GLIS3: variants seen among roughly 807,000 people sequenced by gnomAD.
GLIS3 encodes the protein zinc finger protein GLIS3.
In GLIS3, 53 loss-of-function variants were observed where a neutral mutation model predicts 78.6. The ratio of observed to expected loss-of-function variants is 0.67; its 90% CI spans 0.54 to 0.85. The LOEUF (loss-of-function observed/expected upper bound fraction) is 0.85. GLIS3 is among the 40% of genes least tolerant of loss of function. The probability of loss-of-function intolerance (pLI) is 0.00; values close to 1 mark genes in which losing one functional copy is unlikely to be tolerated. For synonymous variants in GLIS3, 684 were observed against 509.9 expected, an observed-to-expected ratio of 1.34 and a Z score of -4.60; for missense variants, 1,703 against 1,231.1, an observed-to-expected ratio of 1.38 and a Z score of -5.74.
chr9:3,841,649 T>G (rs1818721149), intron 9 of GLIS3, among the ~76,000 whole-genome samples: 1 of 152,220 alleles, frequency 6.6e-6, no homozygotes, highest in South Asian at 2.1e-4. Context: ...TTGGATATTC[T>G]GTATCTGATG....
intron 2 of GLIS3, among the ~76,000 whole-genome samples, chr9:4,219,462 T>C (rs1261224378): frequency 1.3e-5 from 2 of 152,230 alleles, no homozygotes; most frequent in Admixed American, 6.5e-5. Context: ...AATGTCACTG[T>C]TTCCTATGCA....
intron 4 of GLIS3, among the ~76,000 whole-genome samples, chr9:4,057,750 A>C (rs1029195536): frequency 3.2e-4 from 49 of 152,188 alleles, no homozygotes; most frequent in African/African-American, 1.1e-3. Context: ...TGGTACCAAA[A>C]GGAACCTTTG....
chr9:4,250,347 G>C (rs1369963787), intron 2 of GLIS3, among the ~76,000 whole-genome samples: 1 of 152,066 alleles, frequency 6.6e-6, no homozygotes, highest in African/African-American at 2.4e-5. Context: ...GTCTTGAGAG[G>C]GTGTATGTGT....
rs182502091 is a variant in GLIS3, at chr9:4,189,947, C to T, written c.389-64006G>A. Among the ~76,000 whole-genome samples, 512 of 152,200 alleles carry T rather than the reference C, an allele frequency of 3.4e-3. 10 individuals carry two copies. The highest frequency in any genetic ancestry group is 0.031 in the East Asian group (160 of 5,184). ...GCGTCTGGAGTGGACCTCTAGCAAA[C>T]TCCAAGAGACCTGCAGCTGAGGGTC... On this transcript the variant is annotated intron_variant, in intron 2 of 10. Coordinates refer to ENST00000381971, the MANE Select transcript of GLIS3 (RefSeq NM_001042413.2).
At chr9:3,950,400 C>T (rs1431556731) in intron 4 of GLIS3, among the ~76,000 whole-genome samples, 3 of 152,254 alleles carry the variant, frequency 2.0e-5, no homozygotes, top group East Asian at 3.8e-4. Context: ...AAAGCCTCGC[C>T]ATGGCTCATA....
chr9:3,971,098 C>T (rs5020204), intron 4 of GLIS3, among the ~76,000 whole-genome samples: 9 of 44,854 alleles, frequency 2.0e-4, no homozygotes, highest in Admixed American at 4.3e-4. Flanking sequence ...AAGGATAGAT[C>T]GAAGGAAGGA....
chr9:4,097,664 A>G (rs767896124), intron 4 of GLIS3, among the ~76,000 whole-genome samples: 3 of 152,216 alleles, frequency 2.0e-5, no homozygotes, highest in Non-Finnish European at 4.4e-5. Flanking sequence ...AAAAACAACC[A>G]TCGGTATGTG....
intron 4 of GLIS3, chr9:4,081,384 C>T (rs752196629): frequency 6.6e-6 from 1 of 152,232 alleles, no homozygotes; most frequent in Non-Finnish European, 1.5e-5. Context: ...ATTTCCCAGC[C>T]TCCCTTGCAC....
intron 2 of GLIS3, among the ~76,000 whole-genome samples, chr9:4,161,131 T>C (rs976246261): frequency 6.6e-6 from 1 of 150,890 alleles, no homozygotes; most frequent in Non-Finnish European, 1.5e-5. Context: ...AAAATTTTGT[T>C]AATTATTCAG....
intron 4 of GLIS3, among the ~76,000 whole-genome samples, chr9:4,074,812 A>G (rs1827910308): frequency 6.6e-6 from 1 of 152,180 alleles, no homozygotes; most frequent in African/African-American, 2.4e-5. Flanking sequence ...TGGTAACGAG[A>G]TCTTGCCTCC....
intron 4 of GLIS3, chr9:4,081,267 G>C (rs933525803): frequency 3.3e-5 from 5 of 152,342 alleles, no homozygotes; most frequent in African/African-American, 1.2e-4. Flanking sequence ...GACCCTCCTA[G>C]CCAGGCCTCT....
intron 4 of GLIS3, among the ~76,000 whole-genome samples, chr9:4,055,874 C>T (rs1197695335): frequency 1.3e-5 from 2 of 152,104 alleles, no homozygotes; most frequent in Non-Finnish European, 2.9e-5. Context: ...ATTTCTTTTG[C>T]AGGTAAAATT....
chr9:4,435,872 T>C, the GLIS3 span, among the ~76,000 whole-genome samples: 39 of 152,130 alleles, frequency 2.6e-4, no homozygotes, highest in Admixed American at 3.9e-4. Flanking sequence ...TGGCATAAAC[T>C]CGGGAGGTGG....
chr9:4,084,534 G>A (rs923107374), intron 4 of GLIS3, among the ~76,000 whole-genome samples: 1 of 152,160 alleles, frequency 6.6e-6, no homozygotes, highest in South Asian at 2.1e-4. Context: ...GGAGGTGGAA[G>A]TGGGTGACGG....
At chr9:4,403,873 A>G in the GLIS3 span, among the ~76,000 whole-genome samples, 3 of 152,174 alleles carry the variant, frequency 2.0e-5, no homozygotes, top group African/African-American at 7.2e-5. Context: ...GTCCCTACTT[A>G]TCAATAATAA....
chr9:4,224,577 G>A (rs1821606137), intron 2 of GLIS3, among the ~76,000 whole-genome samples: 1 of 152,100 alleles, frequency 6.6e-6, no homozygotes, highest in African/African-American at 2.4e-5. Flanking sequence ...TTGGCTACAG[G>A]AAAATCCAGA....
the GLIS3 span, among the ~76,000 whole-genome samples, chr9:4,472,906 G>A: frequency 6.6e-6 from 1 of 152,052 alleles, no homozygotes; most frequent in Admixed American, 6.5e-5. Flanking sequence ...TATATTTCTA[G>A]ATATCATTAA....
chr9:4,437,542 C>T, the GLIS3 span, among the ~76,000 whole-genome samples: 1 of 152,160 alleles, frequency 6.6e-6, no homozygotes. Flanking sequence ...GAGGACAAAA[C>T]TGTGGCATAG....
intron 4 of GLIS3, among the ~76,000 whole-genome samples, chr9:4,090,969 C>T (rs181437029): frequency 1.3e-5 from 2 of 152,242 alleles, no homozygotes; most frequent in Admixed American, 6.5e-5. Context: ...GTTCCTTGAG[C>T]AATGTATTTA....
Sources: gnomAD v4.1 joint callset for allele counts (sites outside exome capture counted in the v4.1 genomes callset) on GRCh38, gnomAD v4.1.1 for gene constraint, MANE v1.5 for transcripts, NCBI Gene and HGNC (gene_info 2026-07-23, HGNC 2026-07-21) for gene names.